The following RSF1 variants were observed in gnomAD, a reference collection of about 807,000 sequenced individuals.
RSF1 encodes the protein HBV pX-associated protein 8.
In RSF1, 13 loss-of-function variants were observed where a neutral mutation model predicts 145.2. That is an observed-to-expected ratio of 0.09 (90% CI 0.06 to 0.14). The LOEUF is 0.14. Among genes scored for constraint, RSF1 ranks in the 10% least tolerant of loss-of-function variants. The pLI, the probability that RSF1 is intolerant of heterozygous loss-of-function variation, is 1.00. For synonymous variants in RSF1, 577 were observed against 592.6 expected (o/e 0.97, Z 0.38); for missense variants, 1,517 against 1,718.2 (o/e 0.88, Z 2.07).
In RSF1 at chr11:77,689,339, A is replaced by G. The variant is rs574508515; in HGVS notation, c.2900+1820T>C. Among the ~76,000 whole-genome samples the G allele has an allele frequency of 2.0e-5, 3 of 152,344 alleles. No individual in the cohort carries two copies. In the East Asian group the frequency reaches 5.8e-4, roughly 29 times the overall value. ...ATGGCCGCCCCACTTTCTATAGAGAATAAGTCAAATTCCCCAACCTGGAAA... is the reference window on the plus strand; with the variant it reads ...ATGGCCGCCCCACTTTCTATAGAGAGTAAGTCAAATTCCCCAACCTGGAAA... On this transcript the variant is annotated intron_variant, in intron 9 of 15. Coordinates refer to ENST00000308488, the MANE Select transcript of RSF1 (RefSeq NM_016578.4).
chr11:77,820,391 G>C (rs778400400), intron 1 of RSF1, 137 bp downstream of exon 1: 7 of 939,876 alleles, frequency 7.4e-6, no homozygotes, highest in Non-Finnish European at 9.3e-6. Flanking sequence ...GAGAAGACCA[G>C]CCCGGCGGAG....
At chr11:77,718,949 C>A (rs1174663110) in intron 5 of RSF1, among the ~76,000 whole-genome samples, 1 of 152,130 alleles carries the variant, frequency 6.6e-6, no homozygotes, top group Non-Finnish European at 1.5e-5. Flanking sequence ...AGTTAATCTA[C>A]CTACTATAAC....
rs57568918 is a variant in RSF1, at chr11:77,787,833, T to TAAAAAAAAAAAA, written c.188-23156_188-23145dup. ...CATTGCTAATGTACCTTCAGAACAG[T>TAAAAAAAAAAAA]AAAAAAAAAAAAAAGTTCGAGTGCT... On this transcript the variant is annotated intron_variant, in intron 1 of 15. Coordinates refer to ENST00000308488, the MANE Select transcript of RSF1 (RefSeq NM_016578.4). 7.3e-4 allele frequency among the ~76,000 whole-genome samples: 94 copies of TAAAAAAAAAAAA among 129,448 alleles called. 3 individuals carry two copies. The highest frequency in any genetic ancestry group is 2.3e-3 in the African/African-American group (78 of 33,684). 84.9% of individuals were successfully genotyped at this position (129,448 alleles called of 152,430 possible). A position where few individuals can be genotyped will look rare whatever the true frequency, so the allele number is the denominator to read the frequency against.
chr11:77,663,687 A>G lies in RSF1; in HGVS notation c.*3230T>C, dbSNP rs1053048621. 1 of 152,190 alleles carries G rather than the reference A, an allele frequency of 6.6e-6. No homozygotes were observed. The highest frequency in any genetic ancestry group is 2.4e-5 in the African/African-American group (1 of 41,456). 9.4% of individuals were successfully genotyped at this position (152,190 alleles called of 1,614,324 possible). A position where few individuals can be genotyped will look rare whatever the true frequency, so the allele number is the denominator to read the frequency against. Reference sequence around the variant, plus strand: ...TTGCAGTAATGTGCCAATGATGGAAAATGTTTTACACTAATTTCATCAGCA... The same window carrying G: ...TTGCAGTAATGTGCCAATGATGGAAGATGTTTTACACTAATTTCATCAGCA... On this transcript the variant is annotated 3_prime_UTR_variant, in exon 16 of 16. Coordinates refer to ENST00000308488, the MANE Select transcript of RSF1 (RefSeq NM_016578.4).
the RSF1 span, among the ~76,000 whole-genome samples, chr11:77,847,255 G>A: frequency 1.3e-5 from 2 of 152,136 alleles, no homozygotes; most frequent in Non-Finnish European, 2.9e-5. Flanking sequence ...TTTGGCCTTT[G>A]GGAATTTCCC....
chr11:77,808,126 G>A (rs550348436), intron 1 of RSF1, among the ~76,000 whole-genome samples: 1 of 152,106 alleles, frequency 6.6e-6, no homozygotes, highest in East Asian at 1.9e-4. Context: ...TTGAGGTCAG[G>A]AGTTCAAGAC....
chr11:77,711,574 G>A (rs1181303375), intron 5 of RSF1, among the ~76,000 whole-genome samples: 1 of 152,086 alleles, frequency 6.6e-6, no homozygotes, highest in African/African-American at 2.4e-5. Context: ...GAGACTGAGG[G>A]CAGGAGAATT....
chr11:77,852,832 T>C, the RSF1 span, among the ~76,000 whole-genome samples: 1 of 152,346 alleles, frequency 6.6e-6, no homozygotes, highest in South Asian at 2.1e-4. Flanking sequence ...GTTCACTTAA[T>C]ATATACAGAA....
intron 4 of RSF1, among the ~76,000 whole-genome samples, chr11:77,733,842 G>A (rs1405090846): frequency 2.0e-5 from 3 of 152,220 alleles, no homozygotes; most frequent in African/African-American, 4.8e-5. Context: ...GGTTATAGGT[G>A]TGAGCCATCA....
chr11:77,815,352 C>A (rs1200526718), intron 1 of RSF1, among the ~76,000 whole-genome samples: 1 of 152,058 alleles, frequency 6.6e-6, no homozygotes, highest in Non-Finnish European at 1.5e-5. Context: ...TACCCTAATA[C>A]CTTTTGTGGG....
the RSF1 span, among the ~76,000 whole-genome samples, chr11:77,838,311 T>C: frequency 6.6e-6 from 1 of 152,214 alleles, no homozygotes; most frequent in Non-Finnish European, 1.5e-5. Flanking sequence ...ACATACCTTG[T>C]AGATATGGTT....
chr11:77,761,516 T>C (rs531375816), intron 2 of RSF1, among the ~76,000 whole-genome samples: 1 of 152,278 alleles, frequency 6.6e-6, no homozygotes, highest in South Asian at 2.1e-4. Flanking sequence ...CATGGCTGTC[T>C]TCAGGAAAGA....
At chr11:77,764,221 G>C (rs1183769057) in intron 2 of RSF1, 1 of 174,642 alleles carries the variant, frequency 5.7e-6, no homozygotes. Flanking sequence ...ACAGAGTCTA[G>C]GGGAACCACT....
At chr11:77,789,131 C>T (rs1948490762) in intron 1 of RSF1, among the ~76,000 whole-genome samples, 2 of 152,236 alleles carry the variant, frequency 1.3e-5, no homozygotes, top group South Asian at 4.2e-4. Flanking sequence ...CAAATGGGAG[C>T]CAGGAGAAAC....
At position 77,784,147 on chromosome 11, in the gene RSF1, G is replaced by A. The variant is rs190778210; in HGVS notation, c.188-19458C>T. On this transcript the variant is annotated intron_variant, in intron 1 of 15. Transcript: ENST00000308488. ...ATCTCAAATACACTTTATGGAGGCT[G>A]CTTGATACTATTCCACAGACCAGTG... is the stretch of plus-strand genomic sequence containing the variant. Among the ~76,000 whole-genome samples, 277 of 152,272 alleles carry A rather than the reference G, an allele frequency of 1.8e-3. 1 individual carries two copies. Among genetic ancestry groups the A allele is most frequent in the African/African-American group, 6.4e-3 (265 of 41,562 alleles).
chr11:77,849,396 T>A, the RSF1 span, among the ~76,000 whole-genome samples: 1 of 152,098 alleles, frequency 6.6e-6, no homozygotes, highest in Non-Finnish European at 1.5e-5. Context: ...TAATTTCTTT[T>A]GTATTTTTAG....
At chr11:77,819,164 C>T (rs939207915) in intron 1 of RSF1, among the ~76,000 whole-genome samples, 10 of 152,182 alleles carry the variant, frequency 6.6e-5, no homozygotes, top group African/African-American at 2.4e-4. Context: ...AGAAGAGCGA[C>T]CCTGCTTTCT....
At chr11:77,736,567 A>T (rs895097738) in intron 4 of RSF1, among the ~76,000 whole-genome samples, 2 of 152,250 alleles carry the variant, frequency 1.3e-5, no homozygotes, top group African/African-American at 4.8e-5. Flanking sequence ...TGTTTTCTAC[A>T]TTCAACCTTT....
At chr11:77,844,310 A>G in the RSF1 span, among the ~76,000 whole-genome samples, 116,752 of 152,100 alleles carry the variant, frequency 0.77, 45,406 homozygotes, top group African/African-American at 0.89. Context: ...ACATTTTTAA[A>G]GGACACACAT....
Sources: allele counts gnomAD v4.1 joint callset (sites outside exome capture counted in the v4.1 genomes callset), GRCh38; gene constraint gnomAD v4.1.1; transcripts MANE v1.5; gene names NCBI Gene and HGNC (gene_info 2026-07-23, HGNC 2026-07-21).